Variants in SMARCA4 observed in about 807,000 individuals in gnomAD.
The protein encoded by SMARCA4 is SWI/SNF related BAF chromatin remodeling complex subunit ATPase 4.
SMARCA4 carries 31 observed loss-of-function variants against 193.9 expected under a neutral mutation model. The observed-to-expected ratio is 0.16, with a 90% CI of 0.12 to 0.22. The LOEUF (loss-of-function observed/expected upper bound fraction) is 0.22. SMARCA4 is among the 10% of genes least tolerant of loss of function. The pLI is 1.00. For missense variants in SMARCA4, 1,148 were observed against 2,296.0 expected, an observed-to-expected ratio of 0.50 and a Z score of 10.22; for synonymous variants, 942 against 933.1, an observed-to-expected ratio of 1.01 and a Z score of -0.17.
chr19:11,017,939 G>T (rs1430224211), intron 16 of SMARCA4, among the ~76,000 whole-genome samples: 1 of 152,182 alleles, frequency 6.6e-6, no homozygotes, highest in African/African-American at 2.4e-5. Flanking sequence ...AGGAGAGTGG[G>T]CAGGGCAAAA....
At chr19:11,059,121 AG>A in intron 32 of SMARCA4, 1 of 496,988 alleles carries the variant, frequency 2.0e-6, no homozygotes. Flanking sequence ...AAAAAAAAAA[AG>A]AAAAAATTAA....
At position 10,987,858 on chromosome 19, in the gene SMARCA4, G is replaced by A. The variant is rs1018881303; in HGVS notation, c.1052G>A (p.Arg351His). 6.2e-6 allele frequency: 10 copies of A among 1,612,188 alleles called. No individual in the cohort carries two copies. Among genetic ancestry groups the A allele is most frequent in the Non-Finnish European group, 7.6e-6 (9 of 1,179,674 alleles). ...GTGCCACTGCACCAGAAGCAGAGCCGCATCACCCCCATCCAGAAGCCGCGG... is the reference window on the plus strand; with the variant it reads ...GTGCCACTGCACCAGAAGCAGAGCCACATCACCCCCATCCAGAAGCCGCGG... The part of the protein sequence containing the change: ...PMVPLHQKQS[R>H]ITPIQKPRGL... The change falls in exon 6 of 35, where the codon CGC becomes CAC. Residue 351 changes from arginine to histidine, a missense_variant. Arg to His is a conservative substitution (Grantham distance 29). This residue lies in a region of SMARCA4 where 257 missense variants were observed against 276.5 expected (regional missense o/e 0.93). Coordinates refer to ENST00000344626, the MANE Select transcript of SMARCA4 (RefSeq NM_003072.5). The surrounding 1 kb of genome is among the most constrained non-coding windows in gnomAD (Gnocchi z 5.3).
chr19:11,058,033 G>A lies in SMARCA4; in HGVS notation c.4425-222G>A, dbSNP rs1381298463. 1.3e-5 allele frequency among the ~76,000 whole-genome samples: 2 copies of A among 151,904 alleles called. No individual in the cohort carries two copies. Among genetic ancestry groups the A allele is most frequent in the Non-Finnish European group, 2.9e-5 (2 of 68,006 alleles). On this transcript the variant is annotated intron_variant, in intron 30 of 34. Transcript: ENST00000344626. This position sits in a 1 kb window ranked among gnomAD's most constrained non-coding sequence, Gnocchi z 5.8. ...AGGCAGGAGAATCTCCTGAACCTGGGAGGTGGAGGTTGCAGTGAGCCGAGA... is the reference window on the plus strand; with the variant it reads ...AGGCAGGAGAATCTCCTGAACCTGGAAGGTGGAGGTTGCAGTGAGCCGAGA...
At chr19:10,992,997 T>G (rs1211801115) in intron 8 of SMARCA4, among the ~76,000 whole-genome samples, 1 of 149,070 alleles carries the variant, frequency 6.7e-6, no homozygotes, top group Non-Finnish European at 1.5e-5. Flanking sequence ...TTTTTTTTTT[T>G]TTTTTTGAGT....
At chr19:10,967,021 G>A (rs577519835) in intron 1 of SMARCA4, among the ~76,000 whole-genome samples, 2 of 152,336 alleles carry the variant, frequency 1.3e-5, no homozygotes, top group African/African-American at 2.4e-5. Context: ...ACCCTCATAG[G>A]TGTCAACCCT....
chr19:11,008,127 C>G (rs78046501), intron 14 of SMARCA4, 104 bp downstream of exon 14: 4 of 1,178,496 alleles, frequency 3.4e-6, no homozygotes, highest in Admixed American at 2.0e-5. Flanking sequence ...TCAGCACTGT[C>G]CAGCCAGCTG....
In SMARCA4 at chr19:10,986,926, C is replaced by T. The variant is rs757327891; in HGVS notation, c.782C>T (p.Pro261Leu). The T allele has an allele frequency of 6.2e-7, 1 of 1,612,766 alleles. No homozygotes were observed. Among genetic ancestry groups the T allele is most frequent in the African/African-American group, 1.3e-5 (1 of 75,046 alleles). ...GTAGGTATGGGAGGGCCCAACATGC[C>T]TCCCCCAGGACCCTCGGGCGTGCCC... ...RPHGMGGPNMPPPGPSGVPPG... is the reference protein window; with the variant it reads ...RPHGMGGPNMLPPGPSGVPPG... The change falls in exon 5 of 35, where the codon CCT (proline) becomes CTT (leucine). Residue 261 changes from proline (P) to leucine (L), a missense_variant. Around this residue, in one of 17 missense-constraint regions of SMARCA4, gnomAD observed 257 missense variants for 276.5 expected, o/e 0.93. Coordinates refer to ENST00000344626, the MANE Select transcript of SMARCA4 (RefSeq NM_003072.5). The surrounding 1 kb of genome is among the most constrained non-coding windows in gnomAD (Gnocchi z 6.7).
At chr19:11,048,151 C>T (rs1296993678) in intron 30 of SMARCA4, among the ~76,000 whole-genome samples, 1 of 152,162 alleles carries the variant, frequency 6.6e-6, no homozygotes, top group Non-Finnish European at 1.5e-5. Context: ...ACACAGCTAA[C>T]AGCTCACTTT....
chr19:11,027,419 CT>C (rs2146532959), intron 23 of SMARCA4, among the ~76,000 whole-genome samples: 1 of 152,274 alleles, frequency 6.6e-6, no homozygotes, highest in African/African-American at 2.4e-5. Flanking sequence ...GCATTTGCTC[CT>C]GGGGCTTCTT....
In SMARCA4 at chr19:11,033,612, T is replaced by C. The variant is rs2075076821; in HGVS notation, c.3774+95T>C. 3.3e-6 allele frequency: 3 copies of C among 913,528 alleles called. No homozygotes were observed. The Admixed American group carries it at 5.6e-5, about 17-fold the overall frequency. 56.6% of individuals were successfully genotyped at this position (913,528 alleles called of 1,614,324 possible). A position where few individuals can be genotyped will look rare whatever the true frequency, so the allele number is the denominator to read the frequency against. ...TTTTTTTACCTTTTTTGCACTCTTA[T>C]TTTTTTTGCATCCCTTTGGAGTAAA... On this transcript the variant is annotated intron_variant, in intron 26 of 34. Coordinates refer to ENST00000344626, the MANE Select transcript of SMARCA4 (RefSeq NM_003072.5). The surrounding 1 kb of genome is among the most constrained non-coding windows in gnomAD (Gnocchi z 9.8).
At position 11,039,522 on chromosome 19, in the gene SMARCA4, G is replaced by A. The variant is rs769555654; in HGVS notation, c.4171-1785G>A. 18 of 1,602,918 alleles carry A rather than the reference G, an allele frequency of 1.1e-5. No individual in the cohort carries two copies. The highest frequency in any genetic ancestry group is 1.5e-5 in the Non-Finnish European group (18 of 1,175,866). The stretch of plus-strand genomic sequence containing the variant: ...GTGGCACGTGGGCTACAATTCCAGC[G>A]TGGCCTTCAGTTCTGCACACGTGCG... On this transcript the variant is annotated intron_variant, in intron 29 of 34. Transcript: ENST00000344626.
Position 10,984,400 on chromosome 19 carries a change from C to T in SMARCA4, c.222+27C>T, listed in dbSNP as rs2085829075. ...TAGGGATCCCTGTGCCCGCCTCGCA[C>T]CTGCGGCCTCTGCCCACTAGGGCTG... is the stretch of plus-strand genomic sequence containing the variant. On this transcript the variant is annotated intron_variant, in intron 2 of 34. Transcript: ENST00000344626. This position sits in a 1 kb window ranked among gnomAD's most constrained non-coding sequence, Gnocchi z 4.3. 2.6e-6 allele frequency: 4 copies of T among 1,556,544 alleles called. No individual in the cohort carries two copies. Among genetic ancestry groups the T allele is most frequent in the Non-Finnish European group, 2.6e-6 (3 of 1,150,336 alleles).
intron 8 of SMARCA4, among the ~76,000 whole-genome samples, chr19:10,991,615 G>C (rs2086571118): frequency 6.6e-6 from 1 of 152,230 alleles, no homozygotes; most frequent in Non-Finnish European, 1.5e-5. Context: ...CTGATGTTGG[G>C]GGAGTTCTTT....
Position 11,019,747 on chromosome 19 carries a change from A to G in SMARCA4, c.2616+46A>G. On this transcript the variant is annotated intron_variant, in intron 18 of 34. Transcript: ENST00000344626. The surrounding 1 kb of genome is among the most constrained non-coding windows in gnomAD (Gnocchi z 6.1). ...ATGCCAGGCCATGGGCCGAGTGCTC[A>G]CACGTGGGTCACGCTGCCCGTCTCC... 1 of 1,355,442 alleles carries G rather than the reference A, an allele frequency of 7.4e-7. No homozygotes were observed. The highest frequency in any genetic ancestry group is 1.1e-6 in the Non-Finnish European group (1 of 950,170). 84.0% of individuals were successfully genotyped at this position (1,355,442 alleles called of 1,614,324 possible).
At chr19:10,982,108 G>A (rs904342817) in intron 1 of SMARCA4, among the ~76,000 whole-genome samples, 2 of 152,186 alleles carry the variant, frequency 1.3e-5, no homozygotes, top group East Asian at 3.8e-4. Context: ...GGAGGCCAAG[G>A]CGGGTGGATC....
chr19:11,004,596 A>G (rs892070149), intron 13 of SMARCA4, among the ~76,000 whole-genome samples: 1 of 152,198 alleles, frequency 6.6e-6, no homozygotes, highest in Non-Finnish European at 1.5e-5. Context: ...TATTGTTCAC[A>G]TGGTACATCT....
At chr19:11,054,462 A>G (rs2076431499) in intron 30 of SMARCA4, among the ~76,000 whole-genome samples, 1 of 152,162 alleles carries the variant, frequency 6.6e-6, no homozygotes, top group African/African-American at 2.4e-5. Context: ...TCCCTGGGGG[A>G]AGGACTGACA....
At chr19:11,025,324 G>T (rs761612514) in intron 21 of SMARCA4, 98 bp from the exon 22 acceptor site, 1 of 792,978 alleles carries the variant, frequency 1.3e-6, no homozygotes, top group East Asian at 2.5e-5. Context: ...CCACTAGAGC[G>T]TCCCCATGGC....
intron 1 of SMARCA4, among the ~76,000 whole-genome samples, chr19:10,982,992 G>A (rs1261604924): frequency 6.6e-6 from 1 of 152,198 alleles, no homozygotes; most frequent in Non-Finnish European, 1.5e-5. Context: ...CAGGGTGTCA[G>A]AGCCAGGAAA....
Sources: gnomAD v4.1 joint callset for allele counts (sites outside exome capture counted in the v4.1 genomes callset) on GRCh38, gnomAD v4.1.1 for gene constraint, gnomAD v4.1.1 regional missense constraint, Gnocchi (gnomAD v3.1) non-coding constraint, MANE v1.5 for transcripts, NCBI Gene and HGNC (gene_info 2026-07-23, HGNC 2026-07-21) for gene names.